Variants in ETFRF1 observed in about 807,000 individuals in gnomAD.
The protein encoded by ETFRF1 is electron transfer flavoprotein regulatory factor 1, also known as LYR motif containing 5.
In ETFRF1, 12 loss-of-function variants were observed where a neutral mutation model predicts 9.0. The observed-to-expected ratio is 1.34, with a 90% CI of 0.86 to 2.16. The LOEUF is 2.16. Ranked by LOEUF, ETFRF1 falls within the 30% of genes most tolerant of loss-of-function variation. The probability of loss-of-function intolerance (pLI) is 0.00; values close to 1 mark genes in which losing one functional copy is unlikely to be tolerated. For missense variants in ETFRF1, 98 were observed against 101.8 expected (o/e 0.96, Z 0.16); for synonymous variants, 34 against 33.2 (o/e 1.02, Z -0.08).
intron 1 of ETFRF1, among the ~76,000 whole-genome samples, chr12:25,197,300 C>A (rs1412439303): frequency 2.0e-5 from 3 of 152,170 alleles, no homozygotes; most frequent in Non-Finnish European, 4.4e-5. Context: ...CTAAAAAGGA[C>A]AACTTAAGCC....
intron 1 of ETFRF1, among the ~76,000 whole-genome samples, chr12:25,201,658 A>AT (rs765442614): frequency 3.9e-5 from 6 of 152,184 alleles, no homozygotes; most frequent in Non-Finnish European, 8.8e-5. Flanking sequence ...AAAATTTCAG[A>AT]TTAAATGAAA....
intron 1 of ETFRF1, chr12:25,203,576 T>C (rs1414942357): frequency 5.9e-6 from 1 of 170,780 alleles, no homozygotes; most frequent in East Asian, 1.7e-4. Context: ...AATCTGTACA[T>C]TATGCAACTG....
Position 25,204,145 on chromosome 12 carries a change from T to TATTTTAAAA in ETFRF1, c.106_107insATTTTAAAA (p.Leu36delinsTyrPheLysMet). 6.2e-7 allele frequency: 1 copy of TATTTTAAAA among 1,611,206 alleles called. No homozygotes were observed. Among genetic ancestry groups the TATTTTAAAA allele is most frequent in the Admixed American group, 1.7e-5 (1 of 59,532 alleles). ...AGGAGCAGACTATTTTAAAAAGCGTTTGAAGAACATTTTCCTTAAAAACAA... is the reference window on the plus strand; with the variant it reads ...AGGAGCAGACTATTTTAAAAAGCGTTATTTTAAAATGAAGAACATTTTCCTTAAAAACAA... On this transcript the variant is annotated protein_altering_variant, in exon 3 of 3. Coordinates refer to ENST00000381356, the MANE Select transcript of ETFRF1 (RefSeq NM_001001660.3).
chr12:25,198,786 T>C lies in ETFRF1; in HGVS notation c.-38+3449T>C, dbSNP rs181764130. 2.6e-5 allele frequency among the ~76,000 whole-genome samples: 4 copies of C among 152,278 alleles called. No individual in the cohort carries two copies. The East Asian group carries it at 7.7e-4, about 29-fold the overall frequency. ...AAAGAGGAGCCAGAAAAGCAGTAAA[T>C]GTATGACCTTCAGTTAAGAAAAGGT... is the stretch of plus-strand genomic sequence containing the variant. On this transcript the variant is annotated intron_variant, in intron 1 of 2. Transcript: ENST00000381356.
chr12:25,200,205 C>T (rs1207378605), intron 1 of ETFRF1, among the ~76,000 whole-genome samples: 1 of 150,076 alleles, frequency 6.7e-6, no homozygotes, highest in African/African-American at 2.4e-5. Flanking sequence ...AGCGAAACTC[C>T]ATGCTTAAAA....
intron 1 of ETFRF1, among the ~76,000 whole-genome samples, chr12:25,200,277 A>C (rs1029987568): frequency 6.6e-6 from 1 of 152,184 alleles, no homozygotes; most frequent in Non-Finnish European, 1.5e-5. Context: ...AAGTTCAAAC[A>C]TCCAAATAAT....
At chr12:25,203,765 G>A (rs1453879858) in intron 1 of ETFRF1, 155 bp from the exon 2 acceptor site, 6 of 453,570 alleles carry the variant, frequency 1.3e-5, no homozygotes, top group Admixed American at 4.2e-5. Context: ...TATCGGAAGT[G>A]TTTATAACTA....
chr12:25,203,785 A>G (rs917949405), intron 1 of ETFRF1, 135 bp from the exon 2 acceptor site: 21 of 505,052 alleles, frequency 4.2e-5, no homozygotes, highest in Non-Finnish European at 6.8e-5. Flanking sequence ...ATATCCCAGT[A>G]CGTGGAACGA....
In ETFRF1 at chr12:25,204,316, TTAC is replaced by T. The variant is rs1951107209; in HGVS notation, c.*9_*11del. On this transcript the variant is annotated 3_prime_UTR_variant, in exon 3 of 3. Transcript: ENST00000381356. ...AGATACCAACAAAACTAATTGATCA[TTAC>T]TACTTTAATTTAGCTATCAGTGCCA... 1 of 1,552,708 alleles carries T rather than the reference TTAC, an allele frequency of 6.4e-7. No homozygotes were observed. Among genetic ancestry groups the T allele is most frequent in the Non-Finnish European group, 8.7e-7 (1 of 1,155,410 alleles).
At chr12:25,203,466 G>T (rs4963857) in intron 1 of ETFRF1, among the ~76,000 whole-genome samples, 1 of 152,156 alleles carries the variant, frequency 6.6e-6, no homozygotes, top group Non-Finnish European at 1.5e-5. Flanking sequence ...TCAGGCTTCT[G>T]CTCAATGTCC....
intron 1 of ETFRF1, among the ~76,000 whole-genome samples, chr12:25,203,229 C>T (rs575205480): frequency 6.6e-6 from 1 of 151,788 alleles, no homozygotes; most frequent in Admixed American, 6.5e-5. Context: ...TAGGTTTAGA[C>T]TGTCATGATG....
chr12:25,198,607 G>T (rs954416642), intron 1 of ETFRF1, among the ~76,000 whole-genome samples: 1 of 152,088 alleles, frequency 6.6e-6, no homozygotes, highest in African/African-American at 2.4e-5. Flanking sequence ...AAAGCAATTT[G>T]AAGTAAAACA....
chr12:25,199,109 G>C (rs971245177), intron 1 of ETFRF1, among the ~76,000 whole-genome samples: 1 of 151,574 alleles, frequency 6.6e-6, no homozygotes, highest in Non-Finnish European at 1.5e-5. Flanking sequence ...CACTTACAAA[G>C]TATAATTCGA....
intron 1 of ETFRF1, among the ~76,000 whole-genome samples, chr12:25,199,662 C>T (rs1721750536): frequency 7.6e-6 from 1 of 131,294 alleles, no homozygotes; most frequent in South Asian, 2.5e-4. Context: ...AAGCCATCAC[C>T]ACAATCAAGA....
rs1383893594 is a variant in ETFRF1 at position 25,195,325 on chromosome 12, G to C, written c.-50G>C. On this transcript the variant is annotated 5_prime_UTR_variant, in exon 1 of 3. Coordinates refer to ENST00000381356, the MANE Select transcript of ETFRF1 (RefSeq NM_001001660.3). ...TAGCGGTCGAGGCTTTTGCGGCTCC[G>C]GCGTGCCGGAAAGTGCGTGAGTGCC... 2 of 602,478 alleles carry C rather than the reference G, an allele frequency of 3.3e-6. No individual in the cohort carries two copies. The highest frequency in any genetic ancestry group is 5.9e-6 in the Non-Finnish European group (2 of 338,940). 37.3% of individuals were successfully genotyped at this position (602,478 alleles called of 1,614,324 possible).
intron 1 of ETFRF1, 101 bp from the exon 2 acceptor site, chr12:25,203,819 T>C: frequency 1.6e-6 from 1 of 629,690 alleles, no homozygotes; most frequent in Non-Finnish European, 2.5e-6. Context: ...AAATATTTAT[T>C]GAATGTAAAA....
chr12:25,199,059 T>C (rs1273617755), intron 1 of ETFRF1, among the ~76,000 whole-genome samples: 1 of 152,062 alleles, frequency 6.6e-6, no homozygotes, highest in East Asian at 1.9e-4. Flanking sequence ...ATTTCTATTA[T>C]TTTTTTAAGT....
chr12:25,196,933 T>TAA (rs1951028657), intron 1 of ETFRF1, among the ~76,000 whole-genome samples: 2 of 152,054 alleles, frequency 1.3e-5, no homozygotes, highest in African/African-American at 4.8e-5. Flanking sequence ...AGTGGGTGGA[T>TAA]CACGAGGTCT....
chr12:25,200,799 T>C (rs1183309317), intron 1 of ETFRF1, among the ~76,000 whole-genome samples: 2 of 152,086 alleles, frequency 1.3e-5, no homozygotes, highest in Non-Finnish European at 2.9e-5. Context: ...AATGGGATAA[T>C]CAACATAGAG....
Sources: allele counts gnomAD v4.1 joint callset (sites outside exome capture counted in the v4.1 genomes callset), GRCh38; gene constraint gnomAD v4.1.1; transcripts MANE v1.5; gene names NCBI Gene and HGNC (gene_info 2026-07-23, HGNC 2026-07-21).